The following LMBRD2 variants were observed in gnomAD, a reference collection of about 807,000 sequenced individuals.
The protein encoded by LMBRD2 is LMBR1 domain containing 2.
A neutral mutation model predicts 94.4 loss-of-function variants in LMBRD2; 55 were observed. The ratio of observed to expected loss-of-function variants is 0.58; its 90% CI spans 0.47 to 0.73. LMBRD2 has a LOEUF of 0.73. Ranked by LOEUF, LMBRD2 falls within the 30% of genes least tolerant of loss-of-function variation. The pLI, the probability that LMBRD2 is intolerant of heterozygous loss-of-function variation, is 0.00. For missense variants in LMBRD2, 640 were observed against 831.9 expected, an observed-to-expected ratio of 0.77 and a Z score of 2.84; for synonymous variants, 246 against 272.4, an observed-to-expected ratio of 0.90 and a Z score of 0.95.
intron 6 of LMBRD2, among the ~76,000 whole-genome samples, chr5:36,128,038 C>A (rs1234567424): frequency 6.6e-6 from 1 of 152,174 alleles, no homozygotes; most frequent in East Asian, 1.9e-4. Flanking sequence ...TCCCCCACCT[C>A]CAGGCAGCTC....
chr5:36,132,619 A>G (rs966365971), intron 6 of LMBRD2, among the ~76,000 whole-genome samples: 3 of 149,944 alleles, frequency 2.0e-5, no homozygotes, highest in Admixed American at 6.7e-5. Flanking sequence ...ATGAGAAAAA[A>G]AATTTAATAA....
chr5:36,144,151 C>A (rs1374236916), intron 1 of LMBRD2, among the ~76,000 whole-genome samples: 1 of 151,936 alleles, frequency 6.6e-6, no homozygotes, highest in Middle Eastern at 3.4e-3. Flanking sequence ...CAGTCATCAG[C>A]GAATAGTTTA....
chr5:36,147,715 A>G (rs1251189020), intron 1 of LMBRD2, among the ~76,000 whole-genome samples: 1 of 152,190 alleles, frequency 6.6e-6, no homozygotes, highest in Non-Finnish European at 1.5e-5. Context: ...GGCTGATAAT[A>G]GTTTTTCAGG....
chr5:36,138,052 T>G (rs912120957), intron 4 of LMBRD2, among the ~76,000 whole-genome samples: 1 of 151,624 alleles, frequency 6.6e-6, no homozygotes. Flanking sequence ...TTAAGAGAGG[T>G]AGAGAACAGA....
chr5:36,139,255 A>C (rs1744345599), intron 4 of LMBRD2, among the ~76,000 whole-genome samples: 1 of 152,244 alleles, frequency 6.6e-6, no homozygotes, highest in African/African-American at 2.4e-5. Context: ...TGCTCAGGGC[A>C]GCACTGACAC....
In LMBRD2 at chr5:36,137,339, G is replaced by A. The variant is rs1744295759; in HGVS notation, c.471C>T (p.Thr157=). 6 of 1,602,466 alleles carry A rather than the reference G, an allele frequency of 3.7e-6. No individual in the cohort carries two copies. The South Asian group carries it at 6.7e-5, about 18-fold the overall frequency. ...ALIENAIYYG[T]YLLIFGAFLI... Reference sequence around the variant, plus strand: ...AAAATGCTCCAAAAATCAGCAAATAGGTGCCATAGTAGATTGCATTCTCAA... The same window carrying A: ...AAAATGCTCCAAAAATCAGCAAATAAGTGCCATAGTAGATTGCATTCTCAA... The change falls in exon 5 of 18, where the codon ACC becomes ACT. Residue 157 remains threonine (T), a synonymous_variant. Coordinates refer to ENST00000296603, the MANE Select transcript of LMBRD2 (RefSeq NM_001007527.2).
At chr5:36,147,873 A>T in intron 1 of LMBRD2, 1 of 433,710 alleles carries the variant, frequency 2.3e-6, no homozygotes, top group Admixed American at 2.8e-5. Context: ...AAAACCAAAG[A>T]TTCTGAAACT....
chr5:36,113,642 G>T (rs1369458562), intron 13 of LMBRD2, among the ~76,000 whole-genome samples: 1 of 152,112 alleles, frequency 6.6e-6, no homozygotes, highest in Non-Finnish European at 1.5e-5. Flanking sequence ...GGTATTGGAA[G>T]ATTTAAATAA....
chr5:36,145,692 T>TGAACTA (rs1334892273), intron 1 of LMBRD2, among the ~76,000 whole-genome samples: 1 of 152,178 alleles, frequency 6.6e-6, no homozygotes. Flanking sequence ...TTTTATGACT[T>TGAACTA]GAACTAGACC....
At chr5:36,122,553 C>T in intron 8 of LMBRD2, 90 bp from the exon 9 acceptor site, 1 of 1,163,110 alleles carries the variant, frequency 8.6e-7, no homozygotes. Flanking sequence ...ATTGTCATAA[C>T]AATGGGAAAG....
Position 36,100,327 on chromosome 5 carries a change from T to C in LMBRD2, c.*3719A>G, listed in dbSNP as rs1207004172. ...AAAGATACACTGAGCCAGCATACTT[T>C]ACATTTGTATTCAGATGTTGCTTAG... On this transcript the variant is annotated 3_prime_UTR_variant, in exon 18 of 18. Coordinates refer to ENST00000296603, the MANE Select transcript of LMBRD2 (RefSeq NM_001007527.2). 1 of 152,164 alleles carries C rather than the reference T, an allele frequency of 6.6e-6. No individual in the cohort carries two copies. The highest frequency in any genetic ancestry group is 1.5e-5 in the Non-Finnish European group (1 of 68,004). 9.4% of individuals were successfully genotyped at this position (152,164 alleles called of 1,614,324 possible). A position where few individuals can be genotyped will look rare whatever the true frequency, so the allele number is the denominator to read the frequency against.
chr5:36,130,243 T>C (rs1579517380), intron 6 of LMBRD2, among the ~76,000 whole-genome samples: 3 of 151,924 alleles, frequency 2.0e-5, no homozygotes, highest in Admixed American at 2.0e-4. Context: ...ACACAGATAG[T>C]ATAATAATAC....
intron 2 of LMBRD2, chr5:36,142,827 C>T (rs1744449043): frequency 5.1e-6 from 2 of 392,778 alleles, no homozygotes; most frequent in South Asian, 6.1e-5. Flanking sequence ...CGGATTCACG[C>T]CATTCTCCTG....
At chr5:36,104,953 T>C (rs1332900735) in intron 17 of LMBRD2, 115 bp downstream of exon 17, 2 of 973,018 alleles carry the variant, frequency 2.1e-6, no homozygotes, top group Middle Eastern at 2.2e-4. Context: ...CATTTTCCTT[T>C]ACTTATCACT....
intron 1 of LMBRD2, among the ~76,000 whole-genome samples, chr5:36,149,167 T>C (rs1172921338): frequency 6.6e-6 from 1 of 152,130 alleles, no homozygotes; most frequent in Non-Finnish European, 1.5e-5. Flanking sequence ...GCCTACTATA[T>C]GGTGAGCTCT....
intron 11 of LMBRD2, among the ~76,000 whole-genome samples, chr5:36,115,497 C>CTGAAGTTGTATCAACATATGT: frequency 6.6e-6 from 1 of 152,186 alleles, no homozygotes; most frequent in East Asian, 1.9e-4. Flanking sequence ...CATAAAAGAA[C>CTGAAGTTGTATCAACATATGT]TGAAGTTGTA....
rs778842057 is a variant in LMBRD2 at position 36,117,746 on chromosome 5, T to A, written c.1291A>T (p.Ile431Phe). 6.2e-7 allele frequency: 1 copy of A among 1,602,682 alleles called. No homozygotes were observed. The highest frequency in any genetic ancestry group is 8.5e-7 in the Non-Finnish European group (1 of 1,174,108). ...IQLAEKTYNY[I>F]YIEIACFLSI... is the part of the protein sequence containing the mutation. ...TAAAATAAACTGACCTCGATATAAA[T>A]ATAATTATATGTTTTTTCTGCCAGC... The change falls in exon 10 of 18, where the codon ATT becomes TTT. Residue 431 changes from isoleucine to phenylalanine, a missense_variant. By Grantham distance (21) the Ile-to-Phe change is conservative. Transcript: ENST00000296603.
At chr5:36,140,565 G>T (rs1387287645) in intron 4 of LMBRD2, among the ~76,000 whole-genome samples, 1 of 152,162 alleles carries the variant, frequency 6.6e-6, no homozygotes, top group Non-Finnish European at 1.5e-5. Flanking sequence ...AAGATGGGTA[G>T]GTATGTAGAT....
At position 36,109,997 on chromosome 5, in the gene LMBRD2, G is replaced by A. The variant is rs1743566230; in HGVS notation, c.1745-6C>T. On this transcript the variant is annotated splice_region_variant and splice_polypyrimidine_tract_variant and intron_variant, in intron 14 of 17. Coordinates refer to ENST00000296603, the MANE Select transcript of LMBRD2 (RefSeq NM_001007527.2). ...CCTTTGCCTTTTTCTCTTCTCTAAA[G>A]ACAGAAAAATGATCTCAAATATGGC... The A allele has an allele frequency of 6.2e-7, 1 of 1,604,168 alleles. No individual in the cohort carries two copies. The highest frequency in any genetic ancestry group is 8.5e-7 in the Non-Finnish European group (1 of 1,172,410).
Sources: allele counts gnomAD v4.1 joint callset (sites outside exome capture counted in the v4.1 genomes callset), GRCh38; gene constraint gnomAD v4.1.1; transcripts MANE v1.5; gene names NCBI Gene and HGNC (gene_info 2026-07-23, HGNC 2026-07-21).